The following ARHGAP29 variants were observed in gnomAD, a reference collection of about 807,000 sequenced individuals.
ARHGAP29 encodes the protein Rho GTPase activating protein 29.
In ARHGAP29, 43 loss-of-function variants were observed where a neutral mutation model predicts 122.6. That is an observed-to-expected ratio of 0.35 (90% CI 0.27 to 0.45). The LOEUF is 0.45. Among genes scored for constraint, ARHGAP29 ranks in the 20% least tolerant of loss-of-function variants. The pLI, the probability that ARHGAP29 is intolerant of heterozygous loss-of-function variation, is 1.00. For synonymous variants in ARHGAP29, 506 were observed against 497.1 expected (o/e 1.02, Z -0.24); for missense variants, 1,303 against 1,477.2 (o/e 0.88, Z 1.93).
intron 2 of ARHGAP29, among the ~76,000 whole-genome samples, chr1:94,227,068 T>C (rs953678457): frequency 6.6e-6 from 1 of 151,852 alleles, no homozygotes; most frequent in African/African-American, 2.4e-5. Context: ...ATGAAGACTT[T>C]GCAAATTTAT....
intron 22 of ARHGAP29, among the ~76,000 whole-genome samples, chr1:94,175,429 T>A (rs1358569558): frequency 6.6e-6 from 1 of 152,158 alleles, no homozygotes; most frequent in Non-Finnish European, 1.5e-5. Context: ...TCCAGGAATG[T>A]TCCAGCCCTC....
the ARHGAP29 span, among the ~76,000 whole-genome samples, chr1:94,291,837 G>C: frequency 0.28 from 43,262 of 152,128 alleles, 7,039 homozygotes; most frequent in East Asian, 0.46. Context: ...AGTCTGATGG[G>C]CTTCCCTTTG....
chr1:94,313,256 C>A, the ARHGAP29 span, among the ~76,000 whole-genome samples: 1 of 152,202 alleles, frequency 6.6e-6, no homozygotes. Context: ...TATCCATCCA[C>A]ATGGCTTGCT....
intron 1 of ARHGAP29, among the ~76,000 whole-genome samples, chr1:94,263,114 G>A (rs189388028): frequency 1.3e-5 from 2 of 152,224 alleles, no homozygotes; most frequent in African/African-American, 2.4e-5. Context: ...GGAGCTGAAG[G>A]CCATTATCCT....
chr1:94,300,271 T>TA, the ARHGAP29 span, among the ~76,000 whole-genome samples: 1 of 152,108 alleles, frequency 6.6e-6, no homozygotes, highest in Non-Finnish European at 1.5e-5. Flanking sequence ...CACAGAGAGG[T>TA]GACTGGGCAA....
chr1:94,230,157 A>C (rs1188690521), intron 2 of ARHGAP29, among the ~76,000 whole-genome samples: 1 of 151,752 alleles, frequency 6.6e-6, no homozygotes, highest in African/African-American at 2.4e-5. Context: ...TTAAAAAATT[A>C]ACCTAGTTAA....
chr1:94,257,118 G>T (rs1654388663), intron 1 of ARHGAP29, among the ~76,000 whole-genome samples: 2 of 152,000 alleles, frequency 1.3e-5, no homozygotes, highest in African/African-American at 4.8e-5. Flanking sequence ...AAGAATCTTG[G>T]CTGGGCCGGG....
the ARHGAP29 span, among the ~76,000 whole-genome samples, chr1:94,286,093 G>A: frequency 6.6e-6 from 1 of 152,104 alleles, no homozygotes. Flanking sequence ...AGTTATGAGG[G>A]CTGGAAGTCT....
chr1:94,251,992 C>T (rs1378951387), intron 1 of ARHGAP29, among the ~76,000 whole-genome samples: 1 of 152,062 alleles, frequency 6.6e-6, no homozygotes. Flanking sequence ...GTGTTTCCAG[C>T]CCCTGGAAAA....
At chr1:94,265,538 G>T (rs1177547639) in intron 1 of ARHGAP29, among the ~76,000 whole-genome samples, 1 of 152,204 alleles carries the variant, frequency 6.6e-6, no homozygotes, top group Non-Finnish European at 1.5e-5. Flanking sequence ...GTGGATAATA[G>T]GGGCAGCCAC....
At chr1:94,182,050 C>T (rs923698491) in intron 19 of ARHGAP29, among the ~76,000 whole-genome samples, 3 of 151,560 alleles carry the variant, frequency 2.0e-5, no homozygotes, top group Non-Finnish European at 4.4e-5. Flanking sequence ...GTATATGTGG[C>T]TCACATTATA....
intron 15 of ARHGAP29, 140 bp downstream of exon 15, chr1:94,188,697 T>C (rs960499073): frequency 9.5e-6 from 7 of 736,066 alleles, no homozygotes; most frequent in Non-Finnish European, 1.5e-5. Flanking sequence ...GAGGGGTTTT[T>C]AAAAACTATT....
At chr1:94,301,639 A>G in the ARHGAP29 span, among the ~76,000 whole-genome samples, 1 of 152,180 alleles carries the variant, frequency 6.6e-6, no homozygotes, top group Non-Finnish European at 1.5e-5. Flanking sequence ...TCATAGACAG[A>G]GCTCCTCAAG....
At chr1:94,232,285 G>A (rs974421276) in intron 1 of ARHGAP29, among the ~76,000 whole-genome samples, 2 of 152,054 alleles carry the variant, frequency 1.3e-5, no homozygotes, top group African/African-American at 2.4e-5. Context: ...TACATGACGC[G>A]ATGATACAGA....
rs1649054542 is a variant in ARHGAP29, at chr1:94,175,743, C to T, written c.2906-994G>A. 3.3e-5 allele frequency among the ~76,000 whole-genome samples: 5 copies of T among 152,114 alleles called. No homozygotes were observed. The South Asian group carries it at 1.0e-3, about 32-fold the overall frequency. On this transcript the variant is annotated intron_variant, in intron 22 of 22. Transcript: ENST00000260526. ...TTTTTGAGACAGAGTCTCACTCTGT[C>T]ACCCAGGCTGGAGTGCAGTGGCATT...
chr1:94,308,875 C>T, the ARHGAP29 span, among the ~76,000 whole-genome samples: 1 of 152,334 alleles, frequency 6.6e-6, no homozygotes, highest in South Asian at 2.1e-4. Flanking sequence ...TGGGTAAATG[C>T]TGCCCCTTTC....
At chr1:94,204,105 G>T in intron 7 of ARHGAP29, 111 bp from the exon 8 acceptor site, 2 of 719,114 alleles carry the variant, frequency 2.8e-6, no homozygotes, top group South Asian at 1.9e-5. Context: ...ACAAATACTA[G>T]TGTGTATCAA....
intron 3 of ARHGAP29, among the ~76,000 whole-genome samples, chr1:94,217,935 T>C (rs766982308): frequency 1.7e-4 from 26 of 152,148 alleles, no homozygotes; most frequent in African/African-American, 4.1e-4. Context: ...CCCAGAAACT[T>C]TTCCTTTCTG....
At chr1:94,307,156 C>G in the ARHGAP29 span, among the ~76,000 whole-genome samples, 1 of 152,114 alleles carries the variant, frequency 6.6e-6, no homozygotes, top group Non-Finnish European at 1.5e-5. Context: ...CAAACCCGAT[C>G]CCAGTGTAAG....
Sources: allele counts gnomAD v4.1 joint callset (sites outside exome capture counted in the v4.1 genomes callset), GRCh38; gene constraint gnomAD v4.1.1; transcripts MANE v1.5; gene names NCBI Gene and HGNC (gene_info 2026-07-23, HGNC 2026-07-21).